The following EMSY variants were observed in gnomAD, a reference collection of about 807,000 sequenced individuals.
The protein encoded by EMSY is BRCA2-interacting transcriptional repressor EMSY.
In EMSY, 26 loss-of-function variants were observed where a neutral mutation model predicts 134.6. The observed-to-expected ratio is 0.19, with a 90% confidence interval of 0.14 to 0.27. The LOEUF (loss-of-function observed/expected upper bound fraction) is 0.27. EMSY is among the 10% of genes least tolerant of loss of function. EMSY has a pLI of 1.00. For synonymous variants in EMSY, 579 were observed against 577.8 expected, an observed-to-expected ratio of 1.00 and a Z score of -0.03; for missense variants, 1,305 against 1,611.4, an observed-to-expected ratio of 0.81 and a Z score of 3.26.
chr11:76,472,462 G>A (rs140211752), intron 7 of EMSY, 102 bp from the exon 9 acceptor site: 78 of 1,153,614 alleles, frequency 6.8e-5, no homozygotes, highest in Non-Finnish European at 7.9e-5. Flanking sequence ...TTGCTTCTTC[G>A]TTTTTCATAA....
At chr11:76,542,921 G>A (rs1386503588) in intron 18 of EMSY, among the ~76,000 whole-genome samples, 1 of 152,026 alleles carries the variant, frequency 6.6e-6, no homozygotes, top group Non-Finnish European at 1.5e-5. Flanking sequence ...TGGTATTAAG[G>A]GTAATGGGGA....
intron 7 of EMSY, among the ~76,000 whole-genome samples, chr11:76,464,863 A>G (rs935608193): frequency 1.3e-5 from 2 of 152,298 alleles, no homozygotes; most frequent in East Asian, 1.9e-4. Context: ...TTAACTAGGA[A>G]AAGTATTCTA....
At chr11:76,463,705 T>C in intron 6 of EMSY, 116 bp from the exon 8 acceptor site, 2 of 1,131,728 alleles carry the variant, frequency 1.8e-6, no homozygotes, top group Non-Finnish European at 2.5e-6. Flanking sequence ...ATAGAACTTA[T>C]TGGCTAATGG....
chr11:76,497,685 T>C (rs969805717), intron 9 of EMSY, among the ~76,000 whole-genome samples: 3 of 152,154 alleles, frequency 2.0e-5, no homozygotes, highest in Non-Finnish European at 4.4e-5. Context: ...AGGATCGATA[T>C]TAATGTCCTG....
At chr11:76,517,119 A>G (rs1950475448) in intron 11 of EMSY, among the ~76,000 whole-genome samples, 1 of 152,198 alleles carries the variant, frequency 6.6e-6, no homozygotes, top group Admixed American at 6.5e-5. Flanking sequence ...GACAAGTCAT[A>G]TTTTGTATGC....
In EMSY at chr11:76,492,729, G is replaced by A. The variant is rs180707461; in HGVS notation, c.1109-3486G>A. On this transcript the variant is annotated intron_variant, in intron 8 of 20. Transcript: ENST00000334736. ...TCTGAGTTGGCAGGGCAGGAGCCCCGCCCTCCTGGGTGCAGCTCCAGTGGG... is the reference window on the plus strand; with the variant it reads ...TCTGAGTTGGCAGGGCAGGAGCCCCACCCTCCTGGGTGCAGCTCCAGTGGG... Among the ~76,000 whole-genome samples the A allele has an allele frequency of 1.4e-3, 217 of 152,244 alleles. 2 individuals are homozygous for A. Among genetic ancestry groups the A allele is most frequent in the Non-Finnish European group, 1.4e-3 (95 of 68,000 alleles).
At chr11:76,498,878 A>G (rs1226861854) in intron 9 of EMSY, among the ~76,000 whole-genome samples, 1 of 152,134 alleles carries the variant, frequency 6.6e-6, no homozygotes. Flanking sequence ...GTTACTTTCA[A>G]CCTACTTTTA....
At chr11:76,470,450 T>C (rs1235382668) in intron 7 of EMSY, among the ~76,000 whole-genome samples, 2 of 152,208 alleles carry the variant, frequency 1.3e-5, no homozygotes, top group South Asian at 2.1e-4. Flanking sequence ...CCAATACATA[T>C]TAGCCCTAGG....
At chr11:76,542,436 T>G in intron 18 of EMSY, 69 bp downstream of exon 19, 1 of 1,540,676 alleles carries the variant, frequency 6.5e-7, no homozygotes, top group Non-Finnish European at 9.0e-7. Context: ...CAGTGTCATC[T>G]TGTATTTTAA....
intron 9 of EMSY, 192 bp downstream of exon 10, chr11:76,496,661 TGTC>T (rs758258437): frequency 2.8e-6 from 2 of 702,442 alleles, no homozygotes; most frequent in South Asian, 3.2e-5. Flanking sequence ...TTCATTTTCT[TGTC>T]GTGATTATAA....
At chr11:76,549,831 G>C (rs1417608707) in intron 20 of EMSY, 121 bp from the exon 22 acceptor site, 14 of 804,660 alleles carry the variant, frequency 1.7e-5, no homozygotes, top group Non-Finnish European at 2.5e-5. Context: ...CTGGCATGTA[G>C]TAGTTGTCCA....
intron 10 of EMSY, among the ~76,000 whole-genome samples, chr11:76,515,619 C>T (rs1323785957): frequency 1.3e-5 from 2 of 152,104 alleles, no homozygotes; most frequent in Non-Finnish European, 2.9e-5. Flanking sequence ...GAATAACCAA[C>T]CCTTTAAAGG....
exon 5 of EMSY, chr11:76,458,300 T>C (rs1229341075): frequency 1.2e-6 from 2 of 1,613,968 alleles, no homozygotes; most frequent in Non-Finnish European, 1.7e-6. Flanking sequence ...CTGTTGCTAA[T>C]GCAGCTATCC....
At chr11:76,545,830 G>A (rs767126389) in exon 20 of EMSY, 5 of 1,613,298 alleles carry the variant, frequency 3.1e-6, no homozygotes, top group Non-Finnish European at 4.2e-6. Context: ...AGGATCCTCT[G>A]TTACAAAGAT....
At chr11:76,523,704 C>CTTTTTTTATTTTTTTTT in intron 12 of EMSY, among the ~76,000 whole-genome samples, 1 of 80,536 alleles carries the variant, frequency 1.2e-5, no homozygotes, top group Non-Finnish European at 2.3e-5. Flanking sequence ...TTGTTACTTT[C>CTTTTTTTATTTTTTTTT]TTTTTTTTTT....
At chr11:76,499,275 CTTTTTTTTTTTTTT>C (rs777778051) in intron 9 of EMSY, among the ~76,000 whole-genome samples, 5 of 69,976 alleles carry the variant, frequency 7.1e-5, no homozygotes, top group South Asian at 5.6e-4. Context: ...AATCTTATAA[CTTTTTTTTTTTTTT>C]TTTTTTTTTT....
At chr11:76,513,758 A>G (rs1358910264) in intron 10 of EMSY, among the ~76,000 whole-genome samples, 1 of 151,850 alleles carries the variant, frequency 6.6e-6, no homozygotes, top group African/African-American at 2.4e-5. Context: ...CACTTCCCAT[A>G]ATTTCTTAGG....
rs567831582 is a variant in EMSY at position 76,502,455 on chromosome 11, A to G, written c.1363+5986A>G. 1.0e-4 allele frequency among the ~76,000 whole-genome samples: 15 copies of G among 146,736 alleles called. No individual in the cohort carries two copies. In the East Asian group the frequency reaches 2.7e-3, roughly 27 times the overall value. On this transcript the variant is annotated intron_variant, in intron 9 of 20. Transcript: ENST00000334736. ...GATGACATGATCCTTTATATTATTAAAAAAAAAAAAGCATCCAGATTGAAA... is the reference window on the plus strand; with the variant it reads ...GATGACATGATCCTTTATATTATTAGAAAAAAAAAAGCATCCAGATTGAAA...
rs115201263 is a variant in EMSY at position 76,538,323 on chromosome 11, G to A, written c.2515+373G>A. Reference sequence around the variant, plus strand: ...CGCTCAGGCTGGAGTGCAGTGGCGCGATCATGATTCACTGCAGCCTCAACT... The same window carrying A: ...CGCTCAGGCTGGAGTGCAGTGGCGCAATCATGATTCACTGCAGCCTCAACT... On this transcript the variant is annotated intron_variant, in intron 16 of 20. Coordinates refer to ENST00000334736, the Ensembl canonical transcript of EMSY. Among the ~76,000 whole-genome samples, 326 of 152,240 alleles carry A rather than the reference G, an allele frequency of 2.1e-3. 1 individual carries two copies. Among genetic ancestry groups the A allele is most frequent in the African/African-American group, 7.6e-3 (316 of 41,550 alleles).
Sources: gnomAD v4.1 joint callset for allele counts (sites outside exome capture counted in the v4.1 genomes callset) on GRCh38, gnomAD v4.1.1 for gene constraint, MANE v1.5 for transcripts, NCBI Gene and HGNC (gene_info 2026-07-23, HGNC 2026-07-21) for gene names.